Variants in IQSEC1 observed in about 807,000 individuals in gnomAD.
IQSEC1 encodes the protein IQ motif and SEC7 domain-containing protein 1.
IQSEC1 carries 31 observed loss-of-function variants against 91.0 expected under a neutral mutation model. The ratio of observed to expected loss-of-function variants is 0.34; its 90% CI spans 0.26 to 0.46. The LOEUF is 0.46. Ranked by LOEUF, IQSEC1 falls within the 20% of genes least tolerant of loss-of-function variation. IQSEC1 has a pLI of 1.00. For synonymous variants in IQSEC1, 699 were observed against 662.6 expected, an observed-to-expected ratio of 1.05 and a Z score of -0.84; for missense variants, 1,388 against 1,575.6, an observed-to-expected ratio of 0.88 and a Z score of 2.02.
At chr3:13,172,765 AC>A (rs1224255119) in intron 1 of IQSEC1, among the ~76,000 whole-genome samples, 2 of 152,158 alleles carry the variant, frequency 1.3e-5, no homozygotes, top group Non-Finnish European at 2.9e-5. Flanking sequence ...AGGACTCCAC[AC>A]CCGGGGGTCT....
At chr3:13,268,128 T>A (rs1308257438) in intron 1 of IQSEC1, among the ~76,000 whole-genome samples, 1 of 152,162 alleles carries the variant, frequency 6.6e-6, no homozygotes, top group East Asian at 1.9e-4. Flanking sequence ...CCAGGTTCTG[T>A]CACGGCCAAT....
chr3:12,899,440 A>C lies in IQSEC1; in HGVS notation c.*1543T>G. On this transcript the variant is annotated 3_prime_UTR_variant, in exon 14 of 14. Coordinates refer to ENST00000613206, the MANE Select transcript of IQSEC1 (RefSeq NM_001134382.3). ...AGTGGCTCGAAAGGCTGAAACTACA[A>C]AGTATGGCCCGTGGGTGACTCGGGC... is the stretch of plus-strand genomic sequence containing the variant. 1.2e-6 allele frequency: 2 copies of C among 1,609,708 alleles called. No homozygotes were observed. Among genetic ancestry groups the C allele is most frequent in the Non-Finnish European group, 1.7e-6 (2 of 1,178,656 alleles).
At chr3:13,257,032 A>T (rs1695298657) in intron 1 of IQSEC1, among the ~76,000 whole-genome samples, 1 of 152,192 alleles carries the variant, frequency 6.6e-6, no homozygotes, top group African/African-American at 2.4e-5. Flanking sequence ...CCTTTTGTAA[A>T]AAAGAAAAAA....
At chr3:13,026,128 G>A (rs552179579) in intron 1 of IQSEC1, among the ~76,000 whole-genome samples, 64 of 152,358 alleles carry the variant, frequency 4.2e-4, no homozygotes, top group Non-Finnish European at 6.2e-4. Flanking sequence ...TGATAGGTCA[G>A]GGTACTCGTT....
intron 1 of IQSEC1, among the ~76,000 whole-genome samples, chr3:12,971,363 G>A (rs958517407): frequency 5.3e-5 from 8 of 152,134 alleles, no homozygotes; most frequent in Non-Finnish European, 8.8e-5. Flanking sequence ...ATCCTACAGC[G>A]CCGCCTGCCC....
intron 1 of IQSEC1, among the ~76,000 whole-genome samples, chr3:13,184,374 A>C (rs1245760256): frequency 2.0e-5 from 3 of 152,244 alleles, no homozygotes; most frequent in Non-Finnish European, 2.9e-5. Context: ...GATCATGTCA[A>C]CAGATGCAGA....
rs140575923 is a variant in IQSEC1 at position 12,908,422 on chromosome 3, G to A, written c.2682C>T (p.Asp894=). Residue 894 remains aspartate, a synonymous_variant, in exon 12 of 14, where the codon GAC becomes GAT. Transcript: ENST00000613206. The surrounding 1 kb of genome is among the most constrained non-coding windows in gnomAD (Gnocchi z 4.9). ...GNGTLSRACL[D]DSYASGEGLK... is the part of the protein sequence containing the mutation. ...GGCCCTCACCGCTGGCATAGCTGTC[G>A]TCCAGGCAGGCCCGGCTCAGTGTTC... The A allele has an allele frequency of 2.1e-5, 34 of 1,613,228 alleles. No individual in the cohort carries two copies. The highest frequency in any genetic ancestry group is 4.5e-5 in the East Asian group (2 of 44,888).
At chr3:13,228,751 G>T (rs1694798142) in intron 1 of IQSEC1, among the ~76,000 whole-genome samples, 1 of 152,066 alleles carries the variant, frequency 6.6e-6, no homozygotes, top group Non-Finnish European at 1.5e-5. Flanking sequence ...CTCTAAACAA[G>T]AAAACTTGTG....
chr3:12,913,632 G>A, intron 8 of IQSEC1, 79 bp from the exon 9 acceptor site: 1 of 1,460,462 alleles, frequency 6.8e-7, no homozygotes, highest in Admixed American at 2.2e-5. Context: ...GAGAAGTCTA[G>A]CCCTTCAAGC....
intron 2 of IQSEC1, among the ~76,000 whole-genome samples, chr3:13,115,938 G>A (rs978576574): frequency 4.6e-5 from 7 of 152,146 alleles, no homozygotes; most frequent in Admixed American, 2.0e-4. Context: ...GGTTAGCATC[G>A]GAAGCATCAG....
At chr3:13,037,898 G>A (rs2125028461) in intron 1 of IQSEC1, among the ~76,000 whole-genome samples, 1 of 152,234 alleles carries the variant, frequency 6.6e-6, no homozygotes, top group African/African-American at 2.4e-5. Context: ...CAGAGTTTGG[G>A]AGGATAAAAA....
upstream of IQSEC1, among the ~76,000 whole-genome samples, chr3:13,073,592 C>T (rs572394584): frequency 1.4e-4 from 21 of 152,242 alleles, no homozygotes; most frequent in East Asian, 4.1e-3. Flanking sequence ...ACACACCCGG[C>T]GGGGCGCGGG....
chr3:13,242,635 G>T (rs1386536469), intron 1 of IQSEC1, among the ~76,000 whole-genome samples: 1 of 152,172 alleles, frequency 6.6e-6, no homozygotes, highest in Non-Finnish European at 1.5e-5. Context: ...GCCCTGGGTG[G>T]GCGACATGGG....
chr3:13,256,286 G>A lies in IQSEC1; in HGVS notation c.272+26425C>T, dbSNP rs74792690. 4.0e-3 allele frequency among the ~76,000 whole-genome samples: 606 copies of A among 152,048 alleles called. 2 individuals are homozygous for A. Among genetic ancestry groups the A allele is most frequent in the Non-Finnish European group, 6.4e-3 (433 of 67,996 alleles). On this transcript the variant is annotated intron_variant, in intron 1 of 15. Transcript: ENST00000648114. The stretch of plus-strand genomic sequence containing the variant: ...CATTCTTCTGTACACGGTGATCTGC[G>A]GTACTGAATGCACACTTCAAATGGC...
intron 1 of IQSEC1, among the ~76,000 whole-genome samples, chr3:13,001,885 C>T (rs1436098348): frequency 1.4e-4 from 21 of 152,024 alleles, no homozygotes; most frequent in Admixed American, 1.3e-3. Context: ...AAGGTGAAAA[C>T]CCATCTCTAC....
At chr3:13,035,928 C>A (rs1410033971) in intron 1 of IQSEC1, among the ~76,000 whole-genome samples, 1 of 152,188 alleles carries the variant, frequency 6.6e-6, no homozygotes, top group African/African-American at 2.4e-5. Context: ...ATGGAGAGTC[C>A]CGTGCAGGTG....
chr3:13,087,894 C>T (rs187293418), intron 2 of IQSEC1, among the ~76,000 whole-genome samples: 146 of 152,258 alleles, frequency 9.6e-4, no homozygotes, highest in Middle Eastern at 3.4e-3. Flanking sequence ...TATCAGGGCC[C>T]GCTCCCAGGA....
intron 2 of IQSEC1, among the ~76,000 whole-genome samples, chr3:13,158,669 C>A (rs1161181304): frequency 1.4e-4 from 21 of 152,176 alleles, no homozygotes; most frequent in Admixed American, 1.3e-3. Flanking sequence ...GGGACCACCT[C>A]ATGCAATATG....
chr3:12,907,742 A>G (rs1403236649), intron 12 of IQSEC1, among the ~76,000 whole-genome samples: 3 of 152,230 alleles, frequency 2.0e-5, no homozygotes, highest in Admixed American at 6.5e-5. Context: ...GGGGTTAAAC[A>G]GCTGGCAGCA....
Sources: gnomAD v4.1 joint callset for allele counts (sites outside exome capture counted in the v4.1 genomes callset) on GRCh38, gnomAD v4.1.1 for gene constraint, Gnocchi (gnomAD v3.1) non-coding constraint, MANE v1.5 for transcripts, NCBI Gene and HGNC (gene_info 2026-07-23, HGNC 2026-07-21) for gene names.